Variants in SPTB observed in about 807,000 individuals in gnomAD.
The protein encoded by SPTB is spectrin beta, erythrocytic, also known as spectrin beta chain, erythrocytic.
SPTB carries 45 observed loss-of-function variants against 256.2 expected under a neutral mutation model. The observed-to-expected ratio is 0.18, with a 90% CI of 0.14 to 0.23. SPTB has a LOEUF of 0.23. Ranked by LOEUF, SPTB falls within the 10% of genes least tolerant of loss-of-function variation. SPTB has a pLI of 1.00. For missense variants in SPTB, 2,715 were observed against 3,040.4 expected, an observed-to-expected ratio of 0.89 and a Z score of 2.52; for synonymous variants, 1,231 against 1,243.1, an observed-to-expected ratio of 0.99 and a Z score of 0.21.
chr14:64,861,984 T>C (rs539340878), intron 1 of SPTB, among the ~76,000 whole-genome samples: 4 of 152,326 alleles, frequency 2.6e-5, no homozygotes, highest in African/African-American at 7.2e-5. Flanking sequence ...CCCTTCAATG[T>C]TGGCATTACC....
intron 8 of SPTB, among the ~76,000 whole-genome samples, 190 bp from the exon 9 acceptor site, chr14:64,800,124 G>A (rs2082853267): frequency 6.6e-6 from 1 of 152,252 alleles, no homozygotes; most frequent in Admixed American, 6.5e-5. Context: ...GGAATTGGGT[G>A]AGGCCCTCCT....
rs2082214362 is a variant in SPTB, at chr14:64,767,849, C to T, written c.6033G>A (p.Val2011=). 3 of 1,613,906 alleles carry T rather than the reference C, an allele frequency of 1.9e-6. No individual in the cohort carries two copies. Among genetic ancestry groups the T allele is most frequent in the Non-Finnish European group, 1.7e-6 (2 of 1,179,922 alleles). The part of the protein sequence containing the change: ...RWERLRMLLE[V]CQFSRDASVA... The stretch of plus-strand genomic sequence containing the variant: ...CAGAGGCATCCCTCGAGAACTGGCA[C>T]ACCTCCAGCACTGCCAGGGGGAACA... The change falls in exon 30 of 36, where the codon GTG becomes GTA. Residue 2011 remains valine, a synonymous_variant. Coordinates refer to ENST00000644917, the MANE Select transcript of SPTB (RefSeq NM_001355436.2).
chr14:64,859,714 C>G (rs1030678037), intron 1 of SPTB, among the ~76,000 whole-genome samples: 2 of 59,022 alleles, frequency 3.4e-5, no homozygotes, highest in African/African-American at 5.3e-5. Context: ...CTCTCTCTCT[C>G]TCTCTCTATA....
chr14:64,862,277 C>G (rs1434601284), intron 1 of SPTB, among the ~76,000 whole-genome samples: 2 of 152,090 alleles, frequency 1.3e-5, no homozygotes, highest in Admixed American at 6.5e-5. Context: ...CCACTCTCAG[C>G]GGCTCTCTCC....
At chr14:64,781,163 G>T (rs551921259) in intron 20 of SPTB, among the ~76,000 whole-genome samples, 51 of 152,258 alleles carry the variant, frequency 3.3e-4, no homozygotes, top group African/African-American at 1.2e-3. Context: ...CATAGGAATG[G>T]GCAAAGATTT....
chr14:64,750,367 G>A (rs557206769), intron 33 of SPTB: 35 of 538,230 alleles, frequency 6.5e-5, no homozygotes, highest in African/African-American at 2.6e-4. Context: ...TCACATTTTC[G>A]CATTTTTTTT....
At chr14:64,819,551 GAC>G (rs2083252874) in intron 2 of SPTB, among the ~76,000 whole-genome samples, 1 of 151,320 alleles carries the variant, frequency 6.6e-6, no homozygotes, top group African/African-American at 2.4e-5. Flanking sequence ...GAGAGAGAGA[GAC>G]CTGCATGGCA....
At chr14:64,752,184 T>G (rs781247148) in intron 33 of SPTB, 1 of 1,344,202 alleles carries the variant, frequency 7.4e-7, no homozygotes, top group Non-Finnish European at 9.8e-7. Context: ...TGATAACAGG[T>G]GGGCTAGCCC....
intron 1 of SPTB, among the ~76,000 whole-genome samples, chr14:64,828,210 G>A (rs229614): frequency 0.12 from 18,172 of 151,942 alleles, 2,577 homozygotes; most frequent in African/African-American, 0.34. Flanking sequence ...TCTGTCACCC[G>A]GCAGGGGCTT....
chr14:64,863,474 T>C (rs1355897509), intron 1 of SPTB, among the ~76,000 whole-genome samples: 1 of 152,206 alleles, frequency 6.6e-6, no homozygotes, highest in Admixed American at 6.5e-5. Context: ...GGCACCTACC[T>C]GGCTCCACTT....
rs575037799 is a variant in SPTB, at chr14:64,841,514, G to T, written c.-51-18369C>A. Among the ~76,000 whole-genome samples the T allele has an allele frequency of 3.3e-5, 5 of 152,200 alleles. No homozygotes were observed. Among genetic ancestry groups the T allele is most frequent in the Non-Finnish European group, 7.3e-5 (5 of 68,044 alleles). ...CTGGAGGCCCAGGAGGCTCTTCAGG[G>T]TCACAGCTAATCCACGCCCTGAGAT... is the stretch of plus-strand genomic sequence containing the variant. On this transcript the variant is annotated intron_variant, in intron 1 of 35. Transcript: ENST00000644917. This position sits in a 1 kb window ranked among gnomAD's most constrained non-coding sequence, Gnocchi z 4.6.
intron 1 of SPTB, among the ~76,000 whole-genome samples, chr14:64,846,267 G>T (rs1226404951): frequency 2.0e-5 from 3 of 152,202 alleles, no homozygotes; most frequent in African/African-American, 7.2e-5. Flanking sequence ...TAAACCCTCT[G>T]AAAGGGTCAG....
chr14:64,754,477 A>G (rs2081994856), intron 32 of SPTB: 1 of 155,716 alleles, frequency 6.4e-6, no homozygotes, highest in African/African-American at 2.4e-5. Flanking sequence ...GGTGCTTTCA[A>G]AAGAAACATT....
rs1468395743 is a variant in SPTB at position 64,824,782 on chromosome 14, C to T, written c.-51-1637G>A. The stretch of plus-strand genomic sequence containing the variant: ...GGAGGCACTGAAGCACATTCACCAG[C>T]CCAAGTGTGAGATGGCAGCAGGGCT... On this transcript the variant is annotated intron_variant, in intron 1 of 35. Transcript: ENST00000644917. The surrounding 1 kb of genome is among the most constrained non-coding windows in gnomAD (Gnocchi z 5.7). Among the ~76,000 whole-genome samples, 1 of 152,190 alleles carries T rather than the reference C, an allele frequency of 6.6e-6. No homozygotes were observed. Among genetic ancestry groups the T allele is most frequent in the African/African-American group, 2.4e-5 (1 of 41,452 alleles).
chr14:64,842,166 A>G (rs137908536), intron 1 of SPTB, among the ~76,000 whole-genome samples: 1 of 152,370 alleles, frequency 6.6e-6, no homozygotes, highest in Non-Finnish European at 1.5e-5. Context: ...ATGGTGGTGG[A>G]CACATAAGCC....
At chr14:64,835,279 TG>T (rs1359143838) in intron 1 of SPTB, among the ~76,000 whole-genome samples, 1 of 152,180 alleles carries the variant, frequency 6.6e-6, no homozygotes, top group Non-Finnish European at 1.5e-5. Flanking sequence ...GACAGAGTCT[TG>T]CCCTGTCTTC....
chr14:64,802,597 C>T lies in SPTB; in HGVS notation c.475-280G>A, dbSNP rs1281910029. On this transcript the variant is annotated intron_variant, in intron 4 of 35. Transcript: ENST00000644917. The surrounding 1 kb of genome is among the most constrained non-coding windows in gnomAD (Gnocchi z 5.1). ...CCTGGAGCCTGGTGCACCATCAGTA[C>T]TCCATAGCTGTATTGTGGCTGTCTG... 6.6e-6 allele frequency among the ~76,000 whole-genome samples: 1 copy of T among 152,150 alleles called. No homozygotes were observed. The highest frequency in any genetic ancestry group is 1.5e-5 in the Non-Finnish European group (1 of 68,030).
chr14:64,753,743 C>G lies in SPTB; in HGVS notation c.6396G>C (p.Pro2132=), dbSNP rs182745580. ...WPQNLQQPPP[P]GQHKDGQKST... is the part of the protein sequence containing the mutation. The stretch of plus-strand genomic sequence containing the variant: ...ATTTCTGCCCATCCTTGTGCTGACC[C>G]GGCGGTGGTGGCTGCTGCAGGTTCT... The change falls in exon 33 of 36, where the codon CCG becomes CCC. Residue 2132 remains proline, a synonymous_variant. Transcript: ENST00000644917. 122 of 1,613,752 alleles carry G rather than the reference C, an allele frequency of 7.6e-5. No individual in the cohort carries two copies. The African/African-American group carries it at 1.1e-3, about 15-fold the overall frequency.
chr14:64,838,346 G>A (rs1362561359), intron 1 of SPTB, among the ~76,000 whole-genome samples: 3 of 151,974 alleles, frequency 2.0e-5, no homozygotes, highest in Non-Finnish European at 2.9e-5. Context: ...TGTGGCATTC[G>A]GTTAAGCAAA....
Sources: allele counts gnomAD v4.1 joint callset (sites outside exome capture counted in the v4.1 genomes callset), GRCh38; gene constraint gnomAD v4.1.1; non-coding constraint Gnocchi (gnomAD v3.1); transcripts MANE v1.5; gene names NCBI Gene and HGNC (gene_info 2026-07-23, HGNC 2026-07-21).